Variants in NUBPL observed in about 807,000 individuals in gnomAD.
NUBPL encodes NUBP iron-sulfur cluster assembly factor, mitochondrial.
Under a neutral mutation model 45.7 loss-of-function variants are expected in NUBPL, and 31 were observed. The ratio of observed to expected loss-of-function variants is 0.68; its 90% CI spans 0.51 to 0.92. The LOEUF (loss-of-function observed/expected upper bound fraction) is 0.92, where lower values mean the gene tolerates loss of function less well. Among genes scored for constraint, NUBPL ranks in the 40% least tolerant of loss-of-function variants. NUBPL has a pLI of 0.00. For synonymous variants in NUBPL, 144 were observed against 140.9 expected (o/e 1.02, Z -0.15); for missense variants, 401 against 398.7 (o/e 1.01, Z -0.05).
chr14:31,855,017 G>A (rs1203060784), intron 10 of NUBPL, among the ~76,000 whole-genome samples: 2 of 152,180 alleles, frequency 1.3e-5, no homozygotes, highest in Non-Finnish European at 2.9e-5. Context: ...CATTAAAAAG[G>A]AAAGGTTAAA....
chr14:31,745,119 G>T (rs2038368979), intron 6 of NUBPL, among the ~76,000 whole-genome samples: 1 of 151,618 alleles, frequency 6.6e-6, no homozygotes. Context: ...TGTTACATAT[G>T]TATACATGCG....
Position 31,715,671 on chromosome 14 carries a change from T to C in NUBPL, c.513+42097T>C, listed in dbSNP as rs569343980. Among the ~76,000 whole-genome samples, 4 of 152,300 alleles carry C rather than the reference T, an allele frequency of 2.6e-5. No homozygotes were observed. In the South Asian group the frequency reaches 6.2e-4, roughly 24 times the overall value. Reference sequence around the variant, plus strand: ...CCCTGTGTAGGGCACTTACCATGCATGGAGCTTGCAGGACTGAAAGTTGCT... The same window carrying C: ...CCCTGTGTAGGGCACTTACCATGCACGGAGCTTGCAGGACTGAAAGTTGCT... On this transcript the variant is annotated intron_variant, in intron 6 of 10. Transcript: ENST00000281081.
chr14:31,856,091 A>T (rs34548885), intron 10 of NUBPL, among the ~76,000 whole-genome samples: 3 of 152,042 alleles, frequency 2.0e-5, no homozygotes, highest in South Asian at 2.1e-4. Flanking sequence ...GAGACTGGGC[A>T]GTTTACAAAA....
At chr14:31,702,426 G>A (rs1227713085) in intron 6 of NUBPL, among the ~76,000 whole-genome samples, 1 of 152,172 alleles carries the variant, frequency 6.6e-6, no homozygotes, top group African/African-American at 2.4e-5. Context: ...ATTACTACAT[G>A]GCTAGCTCAA....
chr14:31,741,854 T>A (rs1186228384), intron 6 of NUBPL, among the ~76,000 whole-genome samples: 3 of 152,050 alleles, frequency 2.0e-5, no homozygotes. Context: ...CTCTTACAGA[T>A]CTAAGAAAAG....
chr14:31,853,911 C>G (rs1481975806), intron 10 of NUBPL, among the ~76,000 whole-genome samples: 1 of 152,176 alleles, frequency 6.6e-6, no homozygotes, highest in Non-Finnish European at 1.5e-5. Context: ...TTAAAACTAC[C>G]TTCTGCTCTT....
chr14:31,597,758 T>C (rs753819549), intron 3 of NUBPL, among the ~76,000 whole-genome samples: 4 of 152,112 alleles, frequency 2.6e-5, no homozygotes, highest in Admixed American at 2.0e-4. Context: ...AGTTTTTAGT[T>C]TTTGTAGGTG....
At chr14:31,705,526 C>T (rs892636449) in intron 6 of NUBPL, among the ~76,000 whole-genome samples, 1 of 151,980 alleles carries the variant, frequency 6.6e-6, no homozygotes, top group African/African-American at 2.4e-5. Flanking sequence ...TGGCTAGACA[C>T]AGAGTGCTGA....
chr14:31,848,930 T>G (rs2040495834), intron 9 of NUBPL, among the ~76,000 whole-genome samples: 1 of 152,196 alleles, frequency 6.6e-6, no homozygotes, highest in South Asian at 2.1e-4. Flanking sequence ...AAAATTTCAT[T>G]TCTAAGCATT....
At chr14:31,582,284 G>A (rs958450850) in intron 3 of NUBPL, among the ~76,000 whole-genome samples, 1 of 151,664 alleles carries the variant, frequency 6.6e-6, no homozygotes, top group Admixed American at 6.6e-5. Flanking sequence ...GGATAAAGGG[G>A]GCTTGTTTAT....
At chr14:31,793,363 C>A (rs554019336) in intron 7 of NUBPL, among the ~76,000 whole-genome samples, 1 of 152,278 alleles carries the variant, frequency 6.6e-6, no homozygotes, top group Admixed American at 6.5e-5. Context: ...CTATTTAGCT[C>A]AAATGTCTAC....
chr14:31,637,290 C>G (rs1308325792), intron 4 of NUBPL, among the ~76,000 whole-genome samples: 1 of 152,178 alleles, frequency 6.6e-6, no homozygotes, highest in East Asian at 1.9e-4. Context: ...TATGTTGTGT[C>G]TTTGTTCTTG....
intron 4 of NUBPL, among the ~76,000 whole-genome samples, chr14:31,644,499 C>T (rs2035791570): frequency 6.6e-6 from 1 of 152,084 alleles, no homozygotes; most frequent in Non-Finnish European, 1.5e-5. Flanking sequence ...TTTTATTCCA[C>T]TGTAGTCCAG....
At chr14:31,601,363 G>T (rs531242777) in intron 4 of NUBPL, among the ~76,000 whole-genome samples, 10 of 152,146 alleles carry the variant, frequency 6.6e-5, no homozygotes, top group Admixed American at 1.3e-4. Flanking sequence ...CCATTTTCAT[G>T]ATATTGATTC....
chr14:31,704,948 C>T (rs542047707), intron 6 of NUBPL, among the ~76,000 whole-genome samples: 15 of 152,270 alleles, frequency 9.9e-5, no homozygotes, highest in South Asian at 2.1e-4. Context: ...CAGATGTGTC[C>T]GGAGTTTCTT....
intron 4 of NUBPL, among the ~76,000 whole-genome samples, chr14:31,662,583 G>T (rs2036299761): frequency 6.6e-6 from 1 of 151,998 alleles, no homozygotes; most frequent in African/African-American, 2.4e-5. Flanking sequence ...TGGTGTTTTT[G>T]TTCCTGTGTT....
chr14:31,839,075 G>A (rs888057172), intron 8 of NUBPL, among the ~76,000 whole-genome samples: 2 of 152,044 alleles, frequency 1.3e-5, no homozygotes, highest in African/African-American at 2.4e-5. Flanking sequence ...AAAAACAGAT[G>A]GTTGTTTTTA....
intron 6 of NUBPL, among the ~76,000 whole-genome samples, chr14:31,715,000 C>T (rs929740572): frequency 1.3e-5 from 2 of 152,160 alleles, no homozygotes; most frequent in Non-Finnish European, 2.9e-5. Context: ...CCAAACTCTT[C>T]GAAAGAATTT....
In NUBPL at chr14:31,793,688, A is replaced by C. The variant is rs1042040359; in HGVS notation, c.607+5815A>C. 9.2e-5 allele frequency among the ~76,000 whole-genome samples: 14 copies of C among 152,146 alleles called. No homozygotes were observed. The South Asian group carries it at 2.7e-3, about 29-fold the overall frequency. On this transcript the variant is annotated intron_variant, in intron 7 of 10. Coordinates refer to ENST00000281081, the MANE Select transcript of NUBPL (RefSeq NM_025152.3). ...AGGCTGGAAGCTGCTTGAATGCAAA[A>C]ATTTTTTCCTATTTATCATAGTATC...
Sources: allele counts gnomAD v4.1 joint callset (sites outside exome capture counted in the v4.1 genomes callset), GRCh38; gene constraint gnomAD v4.1.1; transcripts MANE v1.5; gene names NCBI Gene and HGNC (gene_info 2026-07-23, HGNC 2026-07-21).